The following MAN1A2 variants were observed in gnomAD, a reference collection of about 807,000 sequenced individuals.
MAN1A2 encodes the protein mannosyl-oligosaccharide 1,2-alpha-mannosidase IB.
In MAN1A2, 26 loss-of-function variants were observed where a neutral mutation model predicts 75.7. That is an observed-to-expected ratio of 0.34 (90% CI 0.25 to 0.48). MAN1A2 has a LOEUF of 0.48. MAN1A2 is among the 20% of genes least tolerant of loss of function. The pLI, the probability that MAN1A2 is intolerant of heterozygous loss-of-function variation, is 0.99. For missense variants in MAN1A2, 562 were observed against 775.5 expected, an observed-to-expected ratio of 0.72 and a Z score of 3.27; for synonymous variants, 247 against 264.6, an observed-to-expected ratio of 0.93 and a Z score of 0.65.
At chr1:117,402,110 C>A (rs1289941) in intron 1 of MAN1A2, 76 bp from the exon 2 acceptor site, 187,649 of 1,433,006 alleles carry the variant, frequency 0.13, 13,904 homozygotes, top group African/African-American at 0.26. Context: ...ATGGAGAAAC[C>A]TTTATGTTTT....
intron 1 of MAN1A2, among the ~76,000 whole-genome samples, chr1:117,388,270 A>G (rs1029826166): frequency 6.6e-6 from 1 of 152,176 alleles, no homozygotes; most frequent in African/African-American, 2.4e-5. Context: ...GAAATTATCT[A>G]TAATAACAAG....
chr1:117,408,153 C>T (rs1382374917), intron 3 of MAN1A2, among the ~76,000 whole-genome samples: 1 of 152,004 alleles, frequency 6.6e-6, no homozygotes, highest in Admixed American at 6.6e-5. Flanking sequence ...GGTGCAGTGG[C>T]ACATAGTCCC....
At chr1:117,422,230 T>G (rs1648223018) in intron 5 of MAN1A2, among the ~76,000 whole-genome samples, 1 of 152,108 alleles carries the variant, frequency 6.6e-6, no homozygotes, top group Admixed American at 6.6e-5. Flanking sequence ...CCCCTGATAA[T>G]TACTGATCTC....
At chr1:117,452,153 A>G (rs181255582) in intron 6 of MAN1A2, among the ~76,000 whole-genome samples, 7 of 152,074 alleles carry the variant, frequency 4.6e-5, no homozygotes, top group Admixed American at 3.3e-4. Context: ...CTAAAAATAC[A>G]GAAACTCGCT....
Position 117,485,550 on chromosome 1 carries a change from T to G in MAN1A2, c.1169-7597T>G, listed in dbSNP as rs148034246. ...GAGGGACTACAGGAAAGGTAACTGA[T>G]GGAATCCCAGAGAGATTTTGGGTTC... On this transcript the variant is annotated intron_variant, in intron 8 of 12. Coordinates refer to ENST00000356554, the MANE Select transcript of MAN1A2 (RefSeq NM_006699.5). Among the ~76,000 whole-genome samples the G allele has an allele frequency of 7.2e-4, 109 of 152,012 alleles. 1 individual carries two copies. Among genetic ancestry groups the G allele is most frequent in the African/African-American group, 2.6e-3 (108 of 41,528 alleles).
chr1:117,523,293 AATAT>A lies in MAN1A2; in HGVS notation c.*338_*341del, dbSNP rs1651920475. On this transcript the variant is annotated 3_prime_UTR_variant, in exon 13 of 13. Transcript: ENST00000356554. ...CTAGACTTCCTGAAAGCAAGTCAAGAATATAGAGCACCTTGCAGGAGTTCAAGAT... is the reference window on the plus strand; with the variant it reads ...CTAGACTTCCTGAAAGCAAGTCAAGAAGAGCACCTTGCAGGAGTTCAAGAT... The A allele has an allele frequency of 2.0e-6, 1 of 496,578 alleles. No individual in the cohort carries two copies. Among genetic ancestry groups the A allele is most frequent in the Non-Finnish European group, 4.1e-6 (1 of 244,640 alleles). The allele number at this position is 496,578 out of a possible 1,614,324, so 30.8% of individuals were successfully genotyped here. A position where few individuals can be genotyped will look rare whatever the true frequency, so the allele number is the denominator to read the frequency against.
intron 5 of MAN1A2, among the ~76,000 whole-genome samples, chr1:117,439,375 A>G (rs1205775133): frequency 3.9e-5 from 6 of 152,162 alleles, no homozygotes; most frequent in African/African-American, 7.2e-5. Flanking sequence ...CTGCAAAAAT[A>G]TTATCTTAGT....
intron 8 of MAN1A2, among the ~76,000 whole-genome samples, chr1:117,486,769 TAACTG>T (rs1650716854): frequency 6.6e-6 from 1 of 151,936 alleles, no homozygotes; most frequent in South Asian, 2.1e-4. Context: ...TCAGAGGAGA[TAACTG>T]AGAAAGTGGA....
intron 6 of MAN1A2, among the ~76,000 whole-genome samples, chr1:117,450,833 T>C (rs1400455388): frequency 6.6e-6 from 1 of 152,168 alleles, no homozygotes; most frequent in Admixed American, 6.5e-5. Context: ...TTTCACAGGA[T>C]GTATGGAAAT....
Position 117,527,532 on chromosome 1 carries a change from A to T in MAN1A2, c.*4575A>T, listed in dbSNP as rs1265853847. 6.6e-6 allele frequency: 1 copy of T among 152,000 alleles called. No individual in the cohort carries two copies. Among genetic ancestry groups the T allele is most frequent in the East Asian group, 1.9e-4 (1 of 5,190 alleles). The allele number at this position is 152,000 out of a possible 1,614,324, so 9.4% of individuals were successfully genotyped here. Reference sequence around the variant, plus strand: ...TAATATTTTGTTGTCTTGAAAGCAGATACACTCTTCCTGGAGTCTGTTCAG... The same window carrying T: ...TAATATTTTGTTGTCTTGAAAGCAGTTACACTCTTCCTGGAGTCTGTTCAG... On this transcript the variant is annotated 3_prime_UTR_variant, in exon 13 of 13. Transcript: ENST00000356554.
intron 1 of MAN1A2, among the ~76,000 whole-genome samples, chr1:117,373,998 C>G (rs1183915015): frequency 6.6e-6 from 1 of 151,992 alleles, no homozygotes; most frequent in Non-Finnish European, 1.5e-5. Context: ...TTATTTTTAA[C>G]TGGGCAAATG....
intron 8 of MAN1A2, 108 bp downstream of exon 8, chr1:117,466,535 C>G: frequency 1.6e-6 from 1 of 644,906 alleles, no homozygotes; most frequent in Admixed American, 3.4e-5. Context: ...CCCTCAGTGT[C>G]TAACCTTGTG....
chr1:117,398,089 A>G (rs1647270527), intron 1 of MAN1A2, among the ~76,000 whole-genome samples: 2 of 152,178 alleles, frequency 1.3e-5, no homozygotes, highest in African/African-American at 4.8e-5. Flanking sequence ...GTAGTGTCCT[A>G]GGCATTGAGG....
At chr1:117,405,717 A>G in intron 3 of MAN1A2, 72 bp downstream of exon 3, 1 of 889,436 alleles carries the variant, frequency 1.1e-6, no homozygotes, top group Non-Finnish European at 1.9e-6. Flanking sequence ...TAACTTTTCA[A>G]AGTACTTTCT....
chr1:117,439,779 G>A (rs1648969249), intron 5 of MAN1A2, among the ~76,000 whole-genome samples: 1 of 152,090 alleles, frequency 6.6e-6, no homozygotes, highest in African/African-American at 2.4e-5. Flanking sequence ...ATAGGGGTGA[G>A]CCACCACGCC....
chr1:117,504,035 C>A (rs1175489369), intron 12 of MAN1A2, among the ~76,000 whole-genome samples: 3 of 151,314 alleles, frequency 2.0e-5, no homozygotes, highest in Non-Finnish European at 4.4e-5. Flanking sequence ...CTACAATTTA[C>A]CCTAATCCAG....
chr1:117,414,891 C>G, intron 4 of MAN1A2, 60 bp downstream of exon 4: 1 of 985,230 alleles, frequency 1.0e-6, no homozygotes, highest in East Asian at 2.4e-5. Context: ...CAATGTCTAA[C>G]TGCTATGGTC....
intron 4 of MAN1A2, among the ~76,000 whole-genome samples, chr1:117,417,622 T>G (rs952224934): frequency 6.1e-5 from 9 of 147,284 alleles, no homozygotes; most frequent in African/African-American, 2.2e-4. Context: ...GTGTTTGTGC[T>G]CTGGTGTCAG....
intron 8 of MAN1A2, 66 bp from the exon 9 acceptor site, chr1:117,493,081 G>A (rs916550707): frequency 1.2e-6 from 1 of 845,092 alleles, no homozygotes; most frequent in Non-Finnish European, 2.0e-6. Context: ...AATTGAAAAT[G>A]TTACTTTATT....
Sources: gnomAD v4.1 joint callset for allele counts (sites outside exome capture counted in the v4.1 genomes callset) on GRCh38, gnomAD v4.1.1 for gene constraint, MANE v1.5 for transcripts, NCBI Gene and HGNC (gene_info 2026-07-23, HGNC 2026-07-21) for gene names.